MAF: variants seen among roughly 807,000 people sequenced by gnomAD.
MAF encodes MAF bZIP transcription factor, also known as transcription factor Maf.
MAF carries 10 observed loss-of-function variants against 22.0 expected under a neutral mutation model. The ratio of observed to expected loss-of-function variants is 0.45; its 90% CI spans 0.28 to 0.77. MAF has a LOEUF of 0.77. MAF is among the 30% of genes least tolerant of loss of function. The pLI is 0.12. For synonymous variants in MAF, 337 were observed against 255.8 expected (o/e 1.32, Z -3.03); for missense variants, 544 against 548.4 (o/e 0.99, Z 0.08).
the MAF span, among the ~76,000 whole-genome samples, chr16:79,345,721 C>T: frequency 5.0e-5 from 4 of 79,258 alleles, no homozygotes; most frequent in African/African-American, 1.6e-4. Flanking sequence ...AGCAAGACTC[C>T]GTCTCAAAAA....
At chr16:79,404,698 C>A in the MAF span, among the ~76,000 whole-genome samples, 49 of 151,880 alleles carry the variant, frequency 3.2e-4, no homozygotes, top group Non-Finnish European at 4.9e-4. Context: ...CTGGGTACGT[C>A]TCCCCAGTGG....
chr16:79,558,614 C>T, the MAF span, among the ~76,000 whole-genome samples: 1 of 152,132 alleles, frequency 6.6e-6, no homozygotes. Flanking sequence ...TAGCTGTGCC[C>T]CTGGAAGCAA....
the MAF span, among the ~76,000 whole-genome samples, chr16:79,296,754 C>A: frequency 6.6e-6 from 1 of 152,136 alleles, no homozygotes; most frequent in East Asian, 1.9e-4. Context: ...TGCCCAGCAA[C>A]CTTAGAGATG....
chr16:79,318,018 G>T, the MAF span, among the ~76,000 whole-genome samples: 1 of 152,106 alleles, frequency 6.6e-6, no homozygotes, highest in African/African-American at 2.4e-5. Flanking sequence ...GCCTTTGTTT[G>T]GTTCTTTTAT....
At chr16:79,540,218 CTG>C in the MAF span, among the ~76,000 whole-genome samples, 1 of 151,700 alleles carries the variant, frequency 6.6e-6, no homozygotes, top group African/African-American at 2.4e-5. Flanking sequence ...GATGAAGACT[CTG>C]AGAAAAAGCT....
the MAF span, among the ~76,000 whole-genome samples, chr16:79,497,943 A>G: frequency 6.6e-6 from 1 of 152,192 alleles, no homozygotes; most frequent in African/African-American, 2.4e-5. Flanking sequence ...GAGCTCTCCC[A>G]GTTCTAGAGA....
the MAF span, among the ~76,000 whole-genome samples, chr16:79,379,465 G>C: frequency 6.6e-5 from 10 of 151,884 alleles, no homozygotes; most frequent in Admixed American, 2.0e-4. Flanking sequence ...GAGGACGTAG[G>C]AGCAGAAGTA....
At chr16:79,435,775 C>T in the MAF span, among the ~76,000 whole-genome samples, 14 of 152,166 alleles carry the variant, frequency 9.2e-5, no homozygotes, top group Non-Finnish European at 2.1e-4. Flanking sequence ...CCATATCCTT[C>T]GTTATTTGTC....
At chr16:79,400,266 G>A in the MAF span, among the ~76,000 whole-genome samples, 1 of 152,194 alleles carries the variant, frequency 6.6e-6, no homozygotes, top group African/African-American at 2.4e-5. Flanking sequence ...TCCCTTTGTG[G>A]CTTGGGGTGG....
the MAF span, among the ~76,000 whole-genome samples, chr16:79,311,705 C>T: frequency 6.6e-6 from 1 of 152,224 alleles, no homozygotes; most frequent in East Asian, 1.9e-4. Context: ...AATTCCACAG[C>T]TTGGATGTTT....
the MAF span, chr16:79,212,018 C>G: frequency 6.5e-7 from 1 of 1,536,254 alleles, no homozygotes; most frequent in Non-Finnish European, 8.7e-7. Context: ...GCATAGGTCT[C>G]TTTGCTTTCT....
the MAF span, among the ~76,000 whole-genome samples, chr16:79,555,708 G>A: frequency 6.6e-6 from 1 of 152,208 alleles, no homozygotes; most frequent in Non-Finnish European, 1.5e-5. Flanking sequence ...GGGATACTCA[G>A]TCAATAAATA....
chr16:79,302,245 T>G, the MAF span, among the ~76,000 whole-genome samples: 3 of 152,140 alleles, frequency 2.0e-5, no homozygotes, highest in Admixed American at 6.5e-5. Context: ...GCCCAGTGAG[T>G]TGGAGACACA....
At chr16:79,532,499 T>C in the MAF span, among the ~76,000 whole-genome samples, 1 of 152,218 alleles carries the variant, frequency 6.6e-6, no homozygotes, top group East Asian at 1.9e-4. Context: ...GGTCAACTGC[T>C]CAGTAGCCAA....
At chr16:79,331,139 C>T in the MAF span, among the ~76,000 whole-genome samples, 3 of 152,168 alleles carry the variant, frequency 2.0e-5, no homozygotes, top group Non-Finnish European at 4.4e-5. Context: ...AGTGGATCCA[C>T]AATGAAATCA....
At chr16:79,558,351 GT>G in the MAF span, among the ~76,000 whole-genome samples, 1 of 152,138 alleles carries the variant, frequency 6.6e-6, no homozygotes, top group Admixed American at 6.6e-5. Flanking sequence ...AGAGAGGCTG[GT>G]CCATCAACCC....
At chr16:79,390,360 GC>G in the MAF span, among the ~76,000 whole-genome samples, 2 of 152,122 alleles carry the variant, frequency 1.3e-5, no homozygotes, top group Admixed American at 1.3e-4. Context: ...AATCACTCCT[GC>G]CAAAGCTTGA....
chr16:79,275,844 G>C, the MAF span, among the ~76,000 whole-genome samples: 1 of 152,064 alleles, frequency 6.6e-6, no homozygotes, highest in Non-Finnish European at 1.5e-5. Flanking sequence ...ATTGAAAAAT[G>C]ATTTGAAACA....
At chr16:79,557,394 G>A in the MAF span, among the ~76,000 whole-genome samples, 266 of 152,056 alleles carry the variant, frequency 1.7e-3, 1 homozygote, top group African/African-American at 6.1e-3. Context: ...CAGGTGTAGA[G>A]GGGAAGCAAA....
Sources: gnomAD v4.1 joint callset for allele counts (sites outside exome capture counted in the v4.1 genomes callset) on GRCh38, gnomAD v4.1.1 for gene constraint, MANE v1.5 for transcripts, NCBI Gene and HGNC (gene_info 2026-07-23, HGNC 2026-07-21) for gene names.